Variants in ADGRD1 observed in about 807,000 individuals in gnomAD.
The protein encoded by ADGRD1 is adhesion G protein-coupled receptor D1, also known as G-protein coupled receptor 133.
In ADGRD1, 77 loss-of-function variants were observed where a neutral mutation model predicts 113.4. The ratio of observed to expected loss-of-function variants is 0.68; its 90% CI spans 0.57 to 0.82. ADGRD1 has a LOEUF of 0.82. ADGRD1 is among the 40% of genes least tolerant of loss of function. The pLI is 0.00. For synonymous variants in ADGRD1, 474 were observed against 475.0 expected, an observed-to-expected ratio of 1.00 and a Z score of 0.03; for missense variants, 1,036 against 1,139.1, an observed-to-expected ratio of 0.91 and a Z score of 1.30.
rs529808201 is a variant in ADGRD1, at chr12:130,971,832, A to T, written c.310+252A>T. Among the ~76,000 whole-genome samples the T allele has an allele frequency of 6.6e-6, 1 of 152,230 alleles. No individual in the cohort carries two copies. The highest frequency in any genetic ancestry group is 1.5e-5 in the Non-Finnish European group (1 of 68,046). Reference sequence around the variant, plus strand: ...GTGAGATCAAAATACTTAATCTTGTAAAGGATGAAAAAAAACCTTCCTAAA... The same window carrying T: ...GTGAGATCAAAATACTTAATCTTGTTAAGGATGAAAAAAAACCTTCCTAAA... On this transcript the variant is annotated intron_variant, in intron 4 of 24. Transcript: ENST00000261654. This position sits in a 1 kb window ranked among gnomAD's most constrained non-coding sequence, Gnocchi z 4.2.
At chr12:131,029,034 G>A (rs1331184204) in intron 13 of ADGRD1, among the ~76,000 whole-genome samples, 1 of 152,220 alleles carries the variant, frequency 6.6e-6, no homozygotes, top group Non-Finnish European at 1.5e-5. Flanking sequence ...AGTCACACCT[G>A]GTTGTCATTC....
intron 8 of ADGRD1, among the ~76,000 whole-genome samples, chr12:130,997,509 T>C (rs1170184146): frequency 1.3e-5 from 2 of 148,756 alleles, no homozygotes; most frequent in African/African-American, 5.0e-5. Flanking sequence ...GCAGAGACGC[T>C]CCTCACCTCC....
rs555251209 is a variant in ADGRD1 at position 131,050,914 on chromosome 12, A to G, written c.1474-25887A>G. On this transcript the variant is annotated intron_variant, in intron 13 of 24. Coordinates refer to ENST00000261654, the MANE Select transcript of ADGRD1 (RefSeq NM_198827.5). The surrounding 1 kb of genome is among the most constrained non-coding windows in gnomAD (Gnocchi z 4.8). ...GGCTGATCTGATAGGAGGGGAGCTCAGGTGGGAATGCCTGCTTGCCCACCG... is the reference window on the plus strand; with the variant it reads ...GGCTGATCTGATAGGAGGGGAGCTCGGGTGGGAATGCCTGCTTGCCCACCG... Among the ~76,000 whole-genome samples, 1 of 152,312 alleles carries G rather than the reference A, an allele frequency of 6.6e-6. No homozygotes were observed. The highest frequency in any genetic ancestry group is 1.9e-4 in the East Asian group (1 of 5,166).
At chr12:131,103,984 GACT>G (rs897498387) in intron 15 of ADGRD1, among the ~76,000 whole-genome samples, 12 of 152,330 alleles carry the variant, frequency 7.9e-5, no homozygotes, top group African/African-American at 2.6e-4. Flanking sequence ...TTGAGGCCCC[GACT>G]TCAGAACCGA....
chr12:131,033,880 G>T (rs529076021), intron 13 of ADGRD1, among the ~76,000 whole-genome samples: 1 of 152,152 alleles, frequency 6.6e-6, no homozygotes. Flanking sequence ...AGGTGTGAGC[G>T]TCTGTGCATT....
At chr12:131,037,664 T>C (rs78459642) in intron 13 of ADGRD1, among the ~76,000 whole-genome samples, 140 of 30,114 alleles carry the variant, frequency 4.6e-3, no homozygotes, top group African/African-American at 4.2e-3. Context: ...CTGCACCGGG[T>C]CTCACTCACT....
chr12:131,107,448 T>C, intron 17 of ADGRD1, among the ~76,000 whole-genome samples: 1 of 149,332 alleles, frequency 6.7e-6, no homozygotes. Flanking sequence ...GACCCGTGTC[T>C]AAATCCCAGG....
At chr12:131,014,160 G>A in intron 12 of ADGRD1, 39 bp from the exon 13 acceptor site, 17 of 1,601,692 alleles carry the variant, frequency 1.1e-5, no homozygotes, top group Non-Finnish European at 1.4e-5. Context: ...CTGCTCCCCT[G>A]CGTTTCCCAT....
intron 15 of ADGRD1, among the ~76,000 whole-genome samples, chr12:131,093,482 C>T (rs1171405501): frequency 1.3e-5 from 2 of 152,192 alleles, no homozygotes; most frequent in African/African-American, 4.8e-5. Flanking sequence ...CAGCCTTGAG[C>T]CTCTCAGATG....
intron 15 of ADGRD1, among the ~76,000 whole-genome samples, chr12:131,085,723 T>A (rs1886416026): frequency 6.6e-6 from 1 of 152,080 alleles, no homozygotes; most frequent in Non-Finnish European, 1.5e-5. Context: ...GTTTGGCAGA[T>A]GTGTTGGGAA....
intron 23 of ADGRD1, 164 bp from the exon 24 acceptor site, chr12:131,137,973 C>T (rs1417382786): frequency 6.3e-6 from 4 of 632,196 alleles, no homozygotes; most frequent in Non-Finnish European, 1.1e-5. Flanking sequence ...CCCCACAGAG[C>T]AGCGATGCAC....
chr12:131,076,639 G>A, intron 13 of ADGRD1, 162 bp from the exon 14 acceptor site: 1 of 670,022 alleles, frequency 1.5e-6, no homozygotes, highest in Non-Finnish European at 2.7e-6. Flanking sequence ...TGGGCCAGGT[G>A]ATGTGGGACC....
At chr12:131,103,713 A>AC (rs1215320134) in intron 15 of ADGRD1, among the ~76,000 whole-genome samples, 1 of 151,806 alleles carries the variant, frequency 6.6e-6, no homozygotes, top group African/African-American at 2.4e-5. Context: ...GACTCCCCCT[A>AC]CCCGCATGCC....
chr12:130,959,359 C>T (rs932091031), intron 2 of ADGRD1, among the ~76,000 whole-genome samples: 3 of 152,096 alleles, frequency 2.0e-5, no homozygotes, highest in Admixed American at 1.3e-4. Context: ...ATCACTTGAG[C>T]CCAGGAATTC....
chr12:130,958,321 A>G (rs1869920587), intron 2 of ADGRD1, among the ~76,000 whole-genome samples: 1 of 150,796 alleles, frequency 6.6e-6, no homozygotes, highest in African/African-American at 2.4e-5. Flanking sequence ...TGCCTCAGTC[A>G]CCCGAGCAGC....
At chr12:131,108,019 C>T (rs1207272350) in intron 17 of ADGRD1, among the ~76,000 whole-genome samples, 3 of 152,128 alleles carry the variant, frequency 2.0e-5, no homozygotes, top group African/African-American at 7.2e-5. Context: ...AGGAGTGGAG[C>T]CCCAGGAGGA....
At chr12:131,122,124 C>T (rs1405955248) in intron 20 of ADGRD1, 1 of 152,302 alleles carries the variant, frequency 6.6e-6, no homozygotes, top group East Asian at 1.9e-4. Context: ...GCCCAGGCTT[C>T]CCGTCTGCAG....
At chr12:130,987,629 A>G in intron 6 of ADGRD1, 1 of 483,886 alleles carries the variant, frequency 2.1e-6, no homozygotes, top group Non-Finnish European at 3.7e-6. Flanking sequence ...GGCTTTGGAG[A>G]GCAAGTATTC....
intron 13 of ADGRD1, among the ~76,000 whole-genome samples, chr12:131,031,091 A>G (rs1012688424): frequency 3.3e-5 from 5 of 152,132 alleles, no homozygotes; most frequent in African/African-American, 9.7e-5. Flanking sequence ...CCAACTCACC[A>G]CACTGGGCCC....
Sources: gnomAD v4.1 joint callset for allele counts (sites outside exome capture counted in the v4.1 genomes callset) on GRCh38, gnomAD v4.1.1 for gene constraint, Gnocchi (gnomAD v3.1) non-coding constraint, MANE v1.5 for transcripts, NCBI Gene and HGNC (gene_info 2026-07-23, HGNC 2026-07-21) for gene names.